The following MAU2 variants were observed in gnomAD, a reference collection of about 807,000 sequenced individuals.
MAU2 encodes the protein MAU2 chromatid cohesion factor homolog.
In MAU2, 9 loss-of-function variants were observed where a neutral mutation model predicts 89.1. The ratio of observed to expected loss-of-function variants is 0.10; its 90% CI spans 0.06 to 0.18. The LOEUF (loss-of-function observed/expected upper bound fraction) is 0.18. MAU2 is among the 10% of genes least tolerant of loss of function. The pLI, the probability that MAU2 is intolerant of heterozygous loss-of-function variation, is 1.00. For missense variants in MAU2, 425 were observed against 803.5 expected, an observed-to-expected ratio of 0.53 and a Z score of 5.69; for synonymous variants, 357 against 343.4, an observed-to-expected ratio of 1.04 and a Z score of -0.44.
intron 1 of MAU2, among the ~76,000 whole-genome samples, chr19:19,332,326 ATTTTTTTTTTT>A (rs35913129): frequency 9.8e-6 from 1 of 101,974 alleles, no homozygotes; most frequent in Non-Finnish European, 1.8e-5. Flanking sequence ...TGCCTGGCTG[ATTTTTTTTTTT>A]TTTTTTTTTT....
chr19:19,330,020 C>G (rs565105147), intron 1 of MAU2, among the ~76,000 whole-genome samples: 61 of 151,584 alleles, frequency 4.0e-4, no homozygotes, highest in Admixed American at 1.3e-4. Flanking sequence ...CACTCTGTCA[C>G]CCAGGCTGGA....
Position 19,340,798 on chromosome 19 carries a change from G to A in MAU2, c.552-48G>A, listed in dbSNP as rs755818736. ...CTTGGGGTAATCACAGTCATCCCAG[G>A]AGGCTCCTGGGCCTGCTAGGACCTG... On this transcript the variant is annotated intron_variant, in intron 5 of 18. Coordinates refer to ENST00000262815, the MANE Select transcript of MAU2 (RefSeq NM_015329.4). The A allele has an allele frequency of 3.7e-6, 6 of 1,608,124 alleles. No individual in the cohort carries two copies. In the African/African-American group the frequency reaches 5.3e-5, roughly 14 times the overall value.
chr19:19,336,026 C>A, intron 2 of MAU2, 96 bp from the exon 3 acceptor site: 1 of 874,868 alleles, frequency 1.1e-6, no homozygotes, highest in Non-Finnish European at 1.9e-6. Flanking sequence ...GACGTGTGTG[C>A]CCTGCAGACC....
intron 4 of MAU2, 53 bp from the exon 5 acceptor site, chr19:19,338,792 C>T (rs2061617090): frequency 1.5e-6 from 2 of 1,369,828 alleles, no homozygotes; most frequent in East Asian, 2.3e-5. Context: ...AAGGCAGGTA[C>T]CGTAAAACTG....
intron 1 of MAU2, among the ~76,000 whole-genome samples, chr19:19,331,395 A>T (rs1466637871): frequency 6.6e-6 from 1 of 151,736 alleles, no homozygotes; most frequent in African/African-American, 2.4e-5. Context: ...CCAGCTACTC[A>T]GGAGGCTGAG....
rs558680106 is a variant in MAU2, at chr19:19,345,589, C to G, written c.1221+220C>G. Among the ~76,000 whole-genome samples, 91 of 152,320 alleles carry G rather than the reference C, an allele frequency of 6.0e-4. No individual in the cohort carries two copies. The highest frequency in any genetic ancestry group is 1.0e-3 in the Non-Finnish European group (68 of 68,016). Reference sequence around the variant, plus strand: ...GGGCCAGGGGCTTCCTGAGCTGACCCAAGGGCAGACGTGAGGGAGAGGTGC... The same window carrying G: ...GGGCCAGGGGCTTCCTGAGCTGACCGAAGGGCAGACGTGAGGGAGAGGTGC... On this transcript the variant is annotated intron_variant, in intron 12 of 18. Transcript: ENST00000262815. The surrounding 1 kb of genome is among the most constrained non-coding windows in gnomAD (Gnocchi z 4.9).
At position 19,355,249 on chromosome 19, in the gene MAU2, A is replaced by T; in HGVS notation, c.1640-15A>T. The T allele has an allele frequency of 6.2e-7, 1 of 1,613,632 alleles. No individual in the cohort carries two copies. Among genetic ancestry groups the T allele is most frequent in the Non-Finnish European group, 8.5e-7 (1 of 1,179,924 alleles). ...CAGGGCAAGGCGGGCCCCCATGCTCATGTCCCACTCTCAGACCTGAATAAA... is the reference window on the plus strand; with the variant it reads ...CAGGGCAAGGCGGGCCCCCATGCTCTTGTCCCACTCTCAGACCTGAATAAA... On this transcript the variant is annotated splice_polypyrimidine_tract_variant and intron_variant, in intron 17 of 18. Transcript: ENST00000262815.
rs973280151 is a variant in MAU2 at position 19,357,514 on chromosome 19, G to T, written c.*1732G>T. 1 of 153,084 alleles carries T rather than the reference G, an allele frequency of 6.5e-6. No homozygotes were observed. Among genetic ancestry groups the T allele is most frequent in the African/African-American group, 2.4e-5 (1 of 41,404 alleles). The allele number at this position is 153,084 out of a possible 1,614,324, so 9.5% of individuals were successfully genotyped here. On this transcript the variant is annotated 3_prime_UTR_variant, in exon 19 of 19. Coordinates refer to ENST00000262815, the MANE Select transcript of MAU2 (RefSeq NM_015329.4). ...ATGTGCTCCTGCCCACCCGGGTTCC[G>T]CACTGTCCGACCCCTGCACACCACT...
chr19:19,342,719 G>T, intron 8 of MAU2, 38 bp downstream of exon 8: 2 of 1,613,314 alleles, frequency 1.2e-6, no homozygotes, highest in Non-Finnish European at 1.7e-6. Flanking sequence ...GGCTGGGGGC[G>T]GGGGCAGGGA....
intron 10 of MAU2, 98 bp from the exon 11 acceptor site, chr19:19,344,751 C>A: frequency 1.0e-6 from 1 of 970,302 alleles, no homozygotes; most frequent in Non-Finnish European, 1.6e-6. Context: ...TCAGACAGGA[C>A]ATGGGCTCAC....
chr19:19,335,583 G>A, intron 1 of MAU2, 135 bp from the exon 2 acceptor site: 1 of 822,850 alleles, frequency 1.2e-6, no homozygotes, highest in Non-Finnish European at 2.1e-6. Flanking sequence ...CTCAGGCCAA[G>A]CGGGCCGCCT....
chr19:19,347,597 T>C, intron 13 of MAU2: 2 of 499,092 alleles, frequency 4.0e-6, no homozygotes, highest in Non-Finnish European at 7.2e-6. Context: ...AGAACACTTC[T>C]CTTTATCACA....
rs776769884 is a variant in MAU2 at position 19,342,585 on chromosome 19, C to A, written c.786C>A (p.Thr262=). ...CLKQLQQCIQ[T]ISTLHDDEIL... ...AGCAGCTGCAGCAGTGCATCCAGAC[C>A]ATCTCCACACTGCACGATGATGAGA... Residue 262 remains threonine, a synonymous_variant, in exon 8 of 19, where the codon ACC becomes ACA. Transcript: ENST00000262815. The A allele has an allele frequency of 6.2e-7, 1 of 1,611,760 alleles. No homozygotes were observed. Among genetic ancestry groups the A allele is most frequent in the Non-Finnish European group, 8.5e-7 (1 of 1,178,866 alleles).
At position 19,349,219 on chromosome 19, in the gene MAU2, T is replaced by C. The variant is rs765039810; in HGVS notation, c.1423T>C (p.Tyr475His). The change falls in exon 15 of 19, where the codon TAC (tyrosine) becomes CAC (histidine). Residue 475 changes from tyrosine to histidine, a missense_variant. Tyr to His is a moderately conservative substitution (Grantham distance 83). Around this residue, in one of 11 missense-constraint regions of MAU2, gnomAD observed 66 missense variants for 129.1 expected, o/e 0.51. Transcript: ENST00000262815. ...GCTCTTCTCCTTCTTCCAGGGACGCTACAACGAGGCCAAGTAAGTGTGGGG... is the reference window on the plus strand; with the variant it reads ...GCTCTTCTCCTTCTTCCAGGGACGCCACAACGAGGCCAAGTAAGTGTGGGG... ...RGLFSFFQGR[Y>H]NEAKRFLRET... 2 of 1,614,176 alleles carry C rather than the reference T, an allele frequency of 1.2e-6. No individual in the cohort carries two copies. Among genetic ancestry groups the C allele is most frequent in the East Asian group, 2.2e-5 (1 of 44,876 alleles).
intron 9 of MAU2, among the ~76,000 whole-genome samples, chr19:19,343,406 T>C (rs969762871): frequency 2.6e-5 from 4 of 152,208 alleles, no homozygotes; most frequent in African/African-American, 4.8e-5. Flanking sequence ...GGATAGGCCC[T>C]GTGCTTCTCT....
At chr19:19,343,261 A>G (rs1021329739) in intron 9 of MAU2, among the ~76,000 whole-genome samples, 1 of 152,180 alleles carries the variant, frequency 6.6e-6, no homozygotes, top group African/African-American at 2.4e-5. Flanking sequence ...TGTCTAATCC[A>G]TCCAGGGACC....
At chr19:19,327,039 G>A (rs562089931) in intron 1 of MAU2, among the ~76,000 whole-genome samples, 2 of 151,252 alleles carry the variant, frequency 1.3e-5, no homozygotes, top group South Asian at 2.1e-4. Flanking sequence ...CTTAAACTCC[G>A]GGCCTCAAGC....
chr19:19,326,622 C>T (rs2146653707), intron 1 of MAU2, among the ~76,000 whole-genome samples: 1 of 149,698 alleles, frequency 6.7e-6, no homozygotes, highest in East Asian at 2.0e-4. Context: ...GGCGGCGGAG[C>T]TTGCAGTGAG....
chr19:19,343,476 C>G (rs74335380), intron 9 of MAU2, among the ~76,000 whole-genome samples: 1 of 152,198 alleles, frequency 6.6e-6, no homozygotes, highest in Non-Finnish European at 1.5e-5. Context: ...GCCCAGGTCC[C>G]CCTACCCGAC....
Sources: allele counts gnomAD v4.1 joint callset (sites outside exome capture counted in the v4.1 genomes callset), GRCh38; gene constraint gnomAD v4.1.1; regional missense constraint gnomAD v4.1.1; non-coding constraint Gnocchi (gnomAD v3.1); transcripts MANE v1.5; gene names NCBI Gene and HGNC (gene_info 2026-07-23, HGNC 2026-07-21).